MOB1B: variants seen among roughly 807,000 people sequenced by gnomAD.
The protein encoded by MOB1B is MOB1 Mps One Binder homolog B.
In MOB1B, 19 loss-of-function variants were observed where a neutral mutation model predicts 24.4. That is an observed-to-expected ratio of 0.78 (90% confidence interval 0.54 to 1.14). MOB1B has a LOEUF of 1.14. MOB1B is among the 50% of genes most tolerant of loss of function. MOB1B has a pLI of 0.00. For missense variants in MOB1B, 243 were observed against 259.6 expected (o/e 0.94, Z 0.44); for synonymous variants, 76 against 82.1 (o/e 0.93, Z 0.40).
At chr4:70,902,625 C>T (rs1188519739) in intron 1 of MOB1B, 75 bp downstream of exon 1, 2 of 1,387,648 alleles carry the variant, frequency 1.4e-6, no homozygotes, top group East Asian at 2.8e-5. Flanking sequence ...CGCCGCCCGT[C>T]GCCCGCCCTC....
chr4:70,981,970 T>G lies in MOB1B; in HGVS notation c.574-10T>G. ...GCTATTTATTCTGCCTTTCTTTATA[T>G]CATGCATAGGAATTCAACCTTATTG... On this transcript the variant is annotated splice_polypyrimidine_tract_variant and intron_variant, in intron 5 of 5. Coordinates refer to ENST00000309395, the MANE Select transcript of MOB1B (RefSeq NM_173468.4). The G allele has an allele frequency of 1.9e-6, 3 of 1,569,906 alleles. No homozygotes were observed. The South Asian group carries it at 3.4e-5, about 18-fold the overall frequency.
intron 1 of MOB1B, among the ~76,000 whole-genome samples, chr4:70,955,306 T>G (rs915854133): frequency 6.6e-6 from 1 of 152,156 alleles, no homozygotes; most frequent in Non-Finnish European, 1.5e-5. Flanking sequence ...CTTCAGTTGC[T>G]GCAGCCATCT....
Position 70,982,155 on chromosome 4 carries a change from C to G in MOB1B, c.*98C>G. ...TGTTTTTATCTGGATTGTTTTTGTC[C>G]TAGGTTTGGGGGCGGGGGCTTGTTT... On this transcript the variant is annotated 3_prime_UTR_variant, in exon 6 of 6. Coordinates refer to ENST00000309395, the MANE Select transcript of MOB1B (RefSeq NM_173468.4). 1.2e-6 allele frequency: 1 copy of G among 863,954 alleles called. No individual in the cohort carries two copies. The highest frequency in any genetic ancestry group is 2.6e-5 in the East Asian group (1 of 38,210). 53.5% of individuals were successfully genotyped at this position (863,954 alleles called of 1,614,324 possible).
Position 70,932,784 on chromosome 4 carries a change from G to A in MOB1B, c.15-26090G>A, listed in dbSNP as rs180925132. ...TATCACATTGATTGAATGTAGCAGT[G>A]TTTCTAATGTGGATGTTTTTGAAAC... On this transcript the variant is annotated intron_variant, in intron 1 of 5. Transcript: ENST00000309395. Among the ~76,000 whole-genome samples the A allele has an allele frequency of 3.9e-4, 59 of 152,246 alleles. 2 individuals carry two copies. Among genetic ancestry groups the A allele is most frequent in the Admixed American group, 3.9e-3 (59 of 15,282 alleles).
intron 4 of MOB1B, chr4:70,975,560 T>C: frequency 9.4e-7 from 1 of 1,068,082 alleles, no homozygotes; most frequent in Non-Finnish European, 1.1e-6. Context: ...AGAAAATAAA[T>C]GATCTCCCTC....
In MOB1B at chr4:70,919,284, T is replaced by G. The variant is rs561120206; in HGVS notation, c.14+16734T>G. The stretch of plus-strand genomic sequence containing the variant: ...GTAACAAACCTGCATATTGTGCACA[T>G]GTACCCTAAAACTTAAAGTGTAATA... On this transcript the variant is annotated intron_variant, in intron 1 of 5. Transcript: ENST00000309395. Among the ~76,000 whole-genome samples, 28 of 151,426 alleles carry G rather than the reference T, an allele frequency of 1.8e-4. No homozygotes were observed. The East Asian group carries it at 3.3e-3, about 18-fold the overall frequency.
chr4:70,940,522 G>T (rs775706168), intron 1 of MOB1B, among the ~76,000 whole-genome samples: 10 of 152,098 alleles, frequency 6.6e-5, no homozygotes, highest in Non-Finnish European at 1.5e-4. Context: ...TGACTTGCCC[G>T]TATTAGGTAT....
chr4:70,928,162 C>T (rs760976668), intron 1 of MOB1B, among the ~76,000 whole-genome samples: 1 of 152,144 alleles, frequency 6.6e-6, no homozygotes, highest in African/African-American at 2.4e-5. Context: ...TTGTACTCCA[C>T]CCACTGTCAT....
chr4:70,929,929 A>T (rs890710721), intron 1 of MOB1B, among the ~76,000 whole-genome samples: 1 of 151,940 alleles, frequency 6.6e-6, no homozygotes, highest in Admixed American at 6.6e-5. Flanking sequence ...AATTTTTAAA[A>T]TTTTTTGTAG....
rs1343955760 is a variant in MOB1B at position 70,985,041 on chromosome 4, T to C, written c.*2984T>C. On this transcript the variant is annotated 3_prime_UTR_variant, in exon 6 of 6. Transcript: ENST00000309395. The stretch of plus-strand genomic sequence containing the variant: ...TATAATATATCTCAGACTGAGTTAC[T>C]GCCTGTCTTATCAGGATGGATAAAA... 6.6e-6 allele frequency: 1 copy of C among 152,202 alleles called. No individual in the cohort carries two copies. The highest frequency in any genetic ancestry group is 2.4e-5 in the African/African-American group (1 of 41,452). 9.4% of individuals were successfully genotyped at this position (152,202 alleles called of 1,614,324 possible).
chr4:70,948,275 GAC>G (rs1737669202), intron 1 of MOB1B, among the ~76,000 whole-genome samples: 1 of 152,098 alleles, frequency 6.6e-6, no homozygotes, highest in Non-Finnish European at 1.5e-5. Flanking sequence ...CTTTTATAAT[GAC>G]AATTATATTT....
chr4:70,909,811 C>G (rs978571845), intron 1 of MOB1B, among the ~76,000 whole-genome samples: 3 of 151,980 alleles, frequency 2.0e-5, no homozygotes, highest in African/African-American at 7.3e-5. Flanking sequence ...ACTGCAACTT[C>G]CACCTCATGG....
chr4:70,931,262 T>C (rs1480797236), intron 1 of MOB1B, among the ~76,000 whole-genome samples: 3 of 152,192 alleles, frequency 2.0e-5, no homozygotes, highest in African/African-American at 4.8e-5. Flanking sequence ...ATAATTCAAG[T>C]CTTCTTATGA....
At chr4:70,960,628 G>A (rs571890649) in intron 2 of MOB1B, among the ~76,000 whole-genome samples, 2 of 152,234 alleles carry the variant, frequency 1.3e-5, no homozygotes, top group South Asian at 4.1e-4. Flanking sequence ...ATTTACACAA[G>A]AGCCATGTTA....
chr4:70,969,121 T>A (rs1738654245), intron 2 of MOB1B, among the ~76,000 whole-genome samples: 1 of 152,156 alleles, frequency 6.6e-6, no homozygotes, highest in Admixed American at 6.5e-5. Context: ...TCGTTGTGCT[T>A]TATAAATCTT....
chr4:70,943,657 A>T (rs771525796), intron 1 of MOB1B, among the ~76,000 whole-genome samples: 1 of 152,214 alleles, frequency 6.6e-6, no homozygotes, highest in African/African-American at 2.4e-5. Flanking sequence ...TGTCCATGGT[A>T]ATAGAAGAGA....
chr4:70,919,587 C>G (rs759280853), intron 1 of MOB1B, among the ~76,000 whole-genome samples: 18 of 152,164 alleles, frequency 1.2e-4, no homozygotes, highest in Admixed American at 2.6e-4. Flanking sequence ...CAACCTCTGC[C>G]TCCCGGGTTC....
chr4:70,902,548 G>C lies in MOB1B; in HGVS notation c.12G>C (p.Leu4Phe), dbSNP rs757952906. ...GCCCCGCGGCCAACATGAGCTTCTT[G>C]TTGTGAGTAGCCAGGCCCCGCACGC... MSFLFGSRSSKTFK... is the reference protein window; with the variant it reads MSFFFGSRSSKTFK... The change falls in exon 1 of 6, where the codon TTG becomes TTC. Residue 4 changes from leucine (L) to phenylalanine (F), a missense_variant and splice_region_variant. Transcript: ENST00000309395. 19 of 1,562,908 alleles carry C rather than the reference G, an allele frequency of 1.2e-5. No homozygotes were observed. The highest frequency in any genetic ancestry group is 6.8e-5 in the African/African-American group (5 of 73,824).
chr4:70,924,024 A>T (rs2148875068), intron 1 of MOB1B, among the ~76,000 whole-genome samples: 1 of 152,152 alleles, frequency 6.6e-6, no homozygotes, highest in Non-Finnish European at 1.5e-5. Flanking sequence ...AACTCTGTAA[A>T]TAAAGAGTAA....
Sources: gnomAD v4.1 joint callset for allele counts (sites outside exome capture counted in the v4.1 genomes callset) on GRCh38, gnomAD v4.1.1 for gene constraint, MANE v1.5 for transcripts, NCBI Gene and HGNC (gene_info 2026-07-23, HGNC 2026-07-21) for gene names.